Variants in LMO7 observed in about 807,000 individuals in gnomAD.
The protein encoded by LMO7 is LIM domain 7, also known as LIM domain only protein 7.
Under a neutral mutation model 206.5 loss-of-function variants are expected in LMO7, and 120 were observed. The ratio of observed to expected loss-of-function variants is 0.58; its 90% confidence interval spans 0.50 to 0.68. The LOEUF is 0.68. Ranked by LOEUF, LMO7 falls within the 30% of genes least tolerant of loss-of-function variation. LMO7 has a pLI of 0.00. For missense variants in LMO7, 1,959 were observed against 1,957.9 expected (o/e 1.00, Z -0.01); for synonymous variants, 706 against 681.5 (o/e 1.04, Z -0.56).
intron 3 of LMO7, among the ~76,000 whole-genome samples, chr13:75,734,524 G>A (rs964614469): frequency 5.9e-5 from 9 of 152,154 alleles, no homozygotes; most frequent in African/African-American, 2.2e-4. Flanking sequence ...GATGTTAAAG[G>A]CATGGGTAAT....
At chr13:75,852,512 T>G (rs1029620184) in intron 27 of LMO7, among the ~76,000 whole-genome samples, 8 of 151,886 alleles carry the variant, frequency 5.3e-5, no homozygotes, top group South Asian at 2.1e-4. Flanking sequence ...GAAAACAGAT[T>G]AAAAAAAAGA....
At chr13:75,837,313 A>T (rs550349673) in intron 19 of LMO7, among the ~76,000 whole-genome samples, 1 of 152,270 alleles carries the variant, frequency 6.6e-6, no homozygotes, top group East Asian at 1.9e-4. Context: ...TTTAAAGCAA[A>T]CTTTGCTTAG....
intron 14 of LMO7, among the ~76,000 whole-genome samples, chr13:75,822,061 T>C (rs138561279): frequency 2.0e-5 from 3 of 152,302 alleles, no homozygotes; most frequent in East Asian, 3.9e-4. Flanking sequence ...AGTTTGAATG[T>C]AATTATTAGA....
chr13:75,754,165 A>G (rs914245064), intron 3 of LMO7, among the ~76,000 whole-genome samples: 1 of 152,224 alleles, frequency 6.6e-6, no homozygotes, highest in Non-Finnish European at 1.5e-5. Flanking sequence ...ACCTCTTAAC[A>G]TCAAGTGGTT....
At chr13:75,720,414 A>G (rs1306743715) in intron 2 of LMO7, among the ~76,000 whole-genome samples, 1 of 152,118 alleles carries the variant, frequency 6.6e-6, no homozygotes, top group Non-Finnish European at 1.5e-5. Flanking sequence ...GTCAAACCTA[A>G]AGTCTCTAGA....
intron 15 of LMO7, among the ~76,000 whole-genome samples, chr13:75,831,486 A>G (rs924327783): frequency 1.8e-4 from 27 of 152,144 alleles, no homozygotes; most frequent in Admixed American, 3.3e-4. Flanking sequence ...TGTTGCTATA[A>G]CAGAATACCT....
chr13:75,818,221 A>C (rs975919313), intron 12 of LMO7, among the ~76,000 whole-genome samples: 1 of 152,180 alleles, frequency 6.6e-6, no homozygotes, highest in African/African-American at 2.4e-5. Flanking sequence ...CTTATCTATT[A>C]GGTTAAATCA....
chr13:75,679,490 A>C (rs1362390846), intron 1 of LMO7, among the ~76,000 whole-genome samples: 1 of 152,214 alleles, frequency 6.6e-6, no homozygotes, highest in Admixed American at 6.5e-5. Context: ...TTTTTGGACC[A>C]CCTGCATCAG....
intron 4 of LMO7, among the ~76,000 whole-genome samples, chr13:75,780,629 A>C (rs1220449423): frequency 1.3e-5 from 2 of 152,218 alleles, no homozygotes; most frequent in African/African-American, 2.4e-5. Context: ...TCCTCAGCTT[A>C]AGAAGATGAC....
chr13:75,856,819 C>T (rs1486679801), intron 30 of LMO7: 1 of 461,352 alleles, frequency 2.2e-6, no homozygotes, highest in Non-Finnish European at 4.0e-6. Flanking sequence ...GTTGTGGGGC[C>T]AAGGAATGGA....
Position 75,713,184 on chromosome 13 carries a change from A to G in LMO7, c.72A>G (p.Ala24=). 6.2e-7 allele frequency: 1 copy of G among 1,612,330 alleles called. No homozygotes were observed. Among genetic ancestry groups the G allele is most frequent in the Non-Finnish European group, 8.5e-7 (1 of 1,178,802 alleles). The part of the protein sequence containing the change: ...AFAEAQRWVE[A]VTEKNFETKD... ...TAACAACCAAACCTATCTTTCAGGC[A>G]GTAACAGAGAAGAATTTTGAAACAA... The change falls in exon 2 of 31, where the codon GCA becomes GCG. Residue 24 remains alanine (A), a splice_region_variant and synonymous_variant. Coordinates refer to ENST00000377534, the MANE Select transcript of LMO7 (RefSeq NM_001306080.2).
intron 10 of LMO7, 39 bp from the exon 11 acceptor site, chr13:75,809,115 A>G (rs1015224029): frequency 1.1e-5 from 17 of 1,533,358 alleles, no homozygotes; most frequent in East Asian, 9.0e-5. Context: ...TATGACTGGG[A>G]AAAATGACTT....
chr13:75,733,395 T>G lies in LMO7; in HGVS notation c.210+6297T>G, dbSNP rs568084643. ...TGATCTCAGACTGCTGTGCTAGCAATCAGCAAGACTCCGTGGGCGTAGGAC... is the reference window on the plus strand; with the variant it reads ...TGATCTCAGACTGCTGTGCTAGCAAGCAGCAAGACTCCGTGGGCGTAGGAC... On this transcript the variant is annotated intron_variant, in intron 3 of 30. Transcript: ENST00000377534. Among the ~76,000 whole-genome samples the G allele has an allele frequency of 2.3e-4, 35 of 152,288 alleles. 1 individual carries two copies. In the East Asian group the frequency reaches 4.3e-3, roughly 19 times the overall value.
intron 3 of LMO7, among the ~76,000 whole-genome samples, chr13:75,731,760 G>T (rs1192268462): frequency 2.0e-5 from 3 of 152,082 alleles, no homozygotes; most frequent in African/African-American, 7.2e-5. Flanking sequence ...TTTTGTGGCG[G>T]CTGGTATCAG....
intron 4 of LMO7, among the ~76,000 whole-genome samples, chr13:75,764,194 C>A (rs1478176026): frequency 6.6e-6 from 1 of 152,010 alleles, no homozygotes; most frequent in African/African-American, 2.4e-5. Flanking sequence ...TCTCAAAATG[C>A]TAATAAGCAA....
At chr13:75,730,824 T>C (rs1442597804) in intron 3 of LMO7, among the ~76,000 whole-genome samples, 2 of 133,252 alleles carry the variant, frequency 1.5e-5, no homozygotes, top group Non-Finnish European at 3.1e-5. Flanking sequence ...TTCTGGTATG[T>C]TGTGTCTTTG....
chr13:75,662,595 A>C (rs2038707897), intron 1 of LMO7, among the ~76,000 whole-genome samples: 1 of 151,296 alleles, frequency 6.6e-6, no homozygotes, highest in South Asian at 2.1e-4. Context: ...TTGGGATTAC[A>C]GGCGTGAGCC....
At chr13:75,805,048 A>G in intron 8 of LMO7, 1 of 1,002,752 alleles carries the variant, frequency 1.0e-6, no homozygotes, top group Middle Eastern at 5.1e-4. Flanking sequence ...CAAGTGAAAA[A>G]GAGGCCCCAG....
At chr13:75,670,144 T>A (rs937708450) in intron 1 of LMO7, among the ~76,000 whole-genome samples, 9 of 152,218 alleles carry the variant, frequency 5.9e-5, no homozygotes, top group African/African-American at 1.9e-4. Flanking sequence ...CCTCTTTGCT[T>A]AATAGGAGAG....
Sources: allele counts gnomAD v4.1 joint callset (sites outside exome capture counted in the v4.1 genomes callset), GRCh38; gene constraint gnomAD v4.1.1; transcripts MANE v1.5; gene names NCBI Gene and HGNC (gene_info 2026-07-23, HGNC 2026-07-21).